Variants in PBX1 observed in about 807,000 individuals in gnomAD.
The protein encoded by PBX1 is PBX homeobox 1, also known as pre-B-cell leukemia transcription factor 1.
Under a neutral mutation model 53.4 loss-of-function variants are expected in PBX1, and 6 were observed. The ratio of observed to expected loss-of-function variants is 0.11; its 90% CI spans 0.06 to 0.22. The LOEUF is 0.22. Among genes scored for constraint, PBX1 ranks in the 10% least tolerant of loss-of-function variants. The probability of loss-of-function intolerance (pLI) is 1.00; values close to 1 mark genes in which losing one functional copy is unlikely to be tolerated. For synonymous variants in PBX1, 204 were observed against 212.3 expected (o/e 0.96, Z 0.34); for missense variants, 251 against 551.4 (o/e 0.46, Z 5.46).
At chr1:164,809,649 A>G (rs978549720) in intron 5 of PBX1, among the ~76,000 whole-genome samples, 5 of 152,302 alleles carry the variant, frequency 3.3e-5, no homozygotes, top group Admixed American at 1.3e-4. Context: ...AAAGCCAGGG[A>G]ATACCTCTTG....
At chr1:164,721,677 A>G (rs1664412126) in intron 2 of PBX1, among the ~76,000 whole-genome samples, 1 of 152,134 alleles carries the variant, frequency 6.6e-6, no homozygotes, top group African/African-American at 2.4e-5. Context: ...CACAGGTATG[A>G]ATACTGAACG....
intron 2 of PBX1, among the ~76,000 whole-genome samples, chr1:164,868,241 T>C (rs1241037903): frequency 6.6e-6 from 1 of 152,098 alleles, no homozygotes; most frequent in South Asian, 2.1e-4. Context: ...TTAAACAGTG[T>C]CCGCCCCGAG....
At chr1:164,672,037 GT>G (rs35765268) in intron 2 of PBX1, among the ~76,000 whole-genome samples, 102,964 of 142,176 alleles carry the variant, frequency 0.72, 38,604 homozygotes, top group Non-Finnish European at 0.83. Flanking sequence ...TTTTCTTTCT[GT>G]TTTTTTTTTT....
At chr1:164,721,014 C>T (rs1328511319) in intron 2 of PBX1, among the ~76,000 whole-genome samples, 1 of 152,168 alleles carries the variant, frequency 6.6e-6, no homozygotes, top group Admixed American at 6.5e-5. Flanking sequence ...GTCAGGATAT[C>T]TTTGGTAGGC....
At chr1:164,860,567 A>T (rs768765752) in intron 2 of PBX1, among the ~76,000 whole-genome samples, 1 of 152,138 alleles carries the variant, frequency 6.6e-6, no homozygotes, top group South Asian at 2.1e-4. Flanking sequence ...TCAGCCACCT[A>T]GAATGATGGC....
At chr1:164,744,493 C>T (rs1020174214) in intron 2 of PBX1, among the ~76,000 whole-genome samples, 1 of 152,112 alleles carries the variant, frequency 6.6e-6, no homozygotes, top group Non-Finnish European at 1.5e-5. Flanking sequence ...TCCATAGGTA[C>T]CCAGTGCAAT....
At position 164,587,535 on chromosome 1, in the gene PBX1, GTGTC is replaced by G. The variant is rs1400779419; in HGVS notation, c.265+24227_265+24230del. ...TTTGTTGTTAGCTGATGATCTTTGT[GTGTC>G]TGATTTTTTTTTTTAAGAGTAAGGA... On this transcript the variant is annotated intron_variant, in intron 2 of 8. Transcript: ENST00000420696. Among the ~76,000 whole-genome samples the G allele has an allele frequency of 2.0e-5, 3 of 151,600 alleles. No individual in the cohort carries two copies. The East Asian group carries it at 6.0e-4, about 30-fold the overall frequency.
At chr1:164,663,220 G>T (rs193126917) in intron 2 of PBX1, among the ~76,000 whole-genome samples, 35 of 136,354 alleles carry the variant, frequency 2.6e-4, no homozygotes, top group African/African-American at 8.5e-4. Context: ...CTGCCTTCCT[G>T]CCTTCCTGCC....
chr1:164,744,846 A>G (rs1310774593), intron 2 of PBX1, among the ~76,000 whole-genome samples: 4 of 145,006 alleles, frequency 2.8e-5, no homozygotes, highest in Admixed American at 2.0e-4. Flanking sequence ...TAGTTGAGCT[A>G]TTGGGCTCTC....
chr1:164,587,097 G>C (rs1312030943), intron 2 of PBX1, among the ~76,000 whole-genome samples: 1 of 152,154 alleles, frequency 6.6e-6, no homozygotes, highest in Non-Finnish European at 1.5e-5. Context: ...GTGTGTGTGT[G>C]TCCCTGTTTC....
At chr1:164,833,078 T>C (rs1304569112) in intron 8 of PBX1, among the ~76,000 whole-genome samples, 1 of 152,164 alleles carries the variant, frequency 6.6e-6, no homozygotes, top group Non-Finnish European at 1.5e-5. Flanking sequence ...ACACTTTATG[T>C]ACATTAACTT....
intron 2 of PBX1, among the ~76,000 whole-genome samples, chr1:164,632,018 AAATC>A (rs765462404): frequency 9.9e-5 from 15 of 152,226 alleles, no homozygotes; most frequent in Non-Finnish European, 2.2e-4. Flanking sequence ...CATAAGCCAC[AAATC>A]ACAGGCTGTT....
intron 8 of PBX1, among the ~76,000 whole-genome samples, chr1:164,844,604 C>T (rs1481980683): frequency 2.0e-5 from 3 of 152,084 alleles, no homozygotes; most frequent in Admixed American, 6.6e-5. Flanking sequence ...CAAATATTAG[C>T]GATAAGTATA....
At chr1:164,749,560 G>A (rs568155120) in intron 2 of PBX1, among the ~76,000 whole-genome samples, 3 of 152,250 alleles carry the variant, frequency 2.0e-5, no homozygotes, top group South Asian at 4.1e-4. Flanking sequence ...TGGAGTTGCT[G>A]GAGATTTTTG....
intron 8 of PBX1, among the ~76,000 whole-genome samples, chr1:164,834,105 C>G (rs1227921797): frequency 3.5e-5 from 5 of 141,168 alleles, no homozygotes; most frequent in Non-Finnish European, 7.7e-5. Flanking sequence ...TGTTTTTTCT[C>G]TTTTCCATAC....
At chr1:164,695,915 G>A (rs1251110039) in intron 2 of PBX1, among the ~76,000 whole-genome samples, 1 of 152,284 alleles carries the variant, frequency 6.6e-6, no homozygotes, top group East Asian at 1.9e-4. Context: ...TATGTGTATG[G>A]TCTGTTTGTA....
At chr1:164,592,425 TG>T (rs1223540300) in intron 2 of PBX1, among the ~76,000 whole-genome samples, 1 of 152,214 alleles carries the variant, frequency 6.6e-6, no homozygotes, top group Non-Finnish European at 1.5e-5. Flanking sequence ...AGATCATCCC[TG>T]GCAGGCCTTT....
intron 8 of PBX1, among the ~76,000 whole-genome samples, chr1:164,842,995 A>G (rs1005383312): frequency 6.9e-6 from 1 of 145,540 alleles, no homozygotes; most frequent in Non-Finnish European, 1.5e-5. Flanking sequence ...GGAGTTTCCT[A>G]CTTAATATTC....
At chr1:164,829,275 A>G (rs1382776368) in intron 8 of PBX1, 1 of 152,220 alleles carries the variant, frequency 6.6e-6, no homozygotes, top group Non-Finnish European at 1.5e-5. Flanking sequence ...ACATATAATC[A>G]TACTCCTATC....
Sources: allele counts gnomAD v4.1 joint callset (sites outside exome capture counted in the v4.1 genomes callset), GRCh38; gene constraint gnomAD v4.1.1; transcripts MANE v1.5; gene names NCBI Gene and HGNC (gene_info 2026-07-23, HGNC 2026-07-21).